MAP4K3: variants seen among roughly 807,000 people sequenced by gnomAD.
The protein encoded by MAP4K3 is mitogen-activated protein kinase kinase kinase kinase 3.
A neutral mutation model predicts 143.5 loss-of-function variants in MAP4K3; 94 were observed. The observed-to-expected ratio is 0.65, with a 90% confidence interval of 0.55 to 0.78. The LOEUF is 0.78. Ranked by LOEUF, MAP4K3 falls within the 30% of genes least tolerant of loss-of-function variation. The pLI, the probability that MAP4K3 is intolerant of heterozygous loss-of-function variation, is 0.00. For synonymous variants in MAP4K3, 416 were observed against 347.2 expected (o/e 1.20, Z -2.20); for missense variants, 1,077 against 1,068.1 (o/e 1.01, Z -0.12).
intron 2 of MAP4K3, among the ~76,000 whole-genome samples, chr2:39,360,897 A>G (rs957834011): frequency 6.6e-6 from 1 of 152,210 alleles, no homozygotes; most frequent in Non-Finnish European, 1.5e-5. Context: ...GAATGACTCA[A>G]AATGAGATTT....
At chr2:39,328,721 T>C (rs1251820875) in intron 8 of MAP4K3, among the ~76,000 whole-genome samples, 2 of 152,214 alleles carry the variant, frequency 1.3e-5, no homozygotes, top group African/African-American at 4.8e-5. Context: ...GGTAAATTTA[T>C]GCCTCAATAA....
At chr2:39,276,620 T>C (rs928431099) in intron 24 of MAP4K3, among the ~76,000 whole-genome samples, 2 of 152,246 alleles carry the variant, frequency 1.3e-5, no homozygotes, top group Non-Finnish European at 2.9e-5. Context: ...AGATTATCAA[T>C]GGTGTCTACC....
chr2:39,266,203 C>T (rs1290957185), intron 27 of MAP4K3, among the ~76,000 whole-genome samples: 3 of 152,198 alleles, frequency 2.0e-5, no homozygotes, highest in African/African-American at 4.8e-5. Flanking sequence ...CCTTGTCATC[C>T]TCTTTTGCTC....
chr2:39,330,170 G>A (rs1373416875), intron 8 of MAP4K3, among the ~76,000 whole-genome samples: 1 of 151,920 alleles, frequency 6.6e-6, no homozygotes, highest in East Asian at 1.9e-4. Context: ...AAGCACAAAT[G>A]CCAAGTACAA....
chr2:39,301,859 C>A (rs1682523175), intron 15 of MAP4K3, among the ~76,000 whole-genome samples: 1 of 151,944 alleles, frequency 6.6e-6, no homozygotes, highest in South Asian at 2.1e-4. Context: ...CCTGTCTCTA[C>A]TAAAAATACA....
chr2:39,258,348 C>G lies in MAP4K3; in HGVS notation c.2470G>C (p.Val824Leu), dbSNP rs764671046. Residue 824 changes from valine to leucine, a missense_variant and splice_region_variant, in exon 31 of 34, where the codon GTG becomes CTG. Transcript: ENST00000263881. ...LTFDFQIESI[V>L]CLQDSVLAFW... is the part of the protein sequence containing the mutation. ...AAAGAATTATAAAACTTTGACTTAC[C>G]TATTGATTCAATCTGGAAATCAAAG... 1 of 1,580,210 alleles carries G rather than the reference C, an allele frequency of 6.3e-7. No individual in the cohort carries two copies. Among genetic ancestry groups the G allele is most frequent in the South Asian group, 1.1e-5 (1 of 88,442 alleles).
At chr2:39,386,959 G>A (rs6723052) in intron 1 of MAP4K3, among the ~76,000 whole-genome samples, 7,310 of 151,752 alleles carry the variant, frequency 0.048, 293 homozygotes, top group African/African-American at 0.11. Context: ...GGGACTGCAG[G>A]TGTGCCACCA....
Position 39,400,770 on chromosome 2 carries a change from A to G in MAP4K3, c.97-22647T>C, listed in dbSNP as rs75739548. Among the ~76,000 whole-genome samples the G allele has an allele frequency of 3.8e-3, 578 of 152,242 alleles. 19 individuals are homozygous for G. The East Asian group carries it at 0.045, about 12-fold the overall frequency. On this transcript the variant is annotated intron_variant, in intron 1 of 33. Transcript: ENST00000263881. The stretch of plus-strand genomic sequence containing the variant: ...TTTCACTGTAATTTCCTCTTTAACT[A>G]ATGAGTAATACAGTAATTTTCAGCT...
At chr2:39,416,002 T>TATATATATATATATAA (rs1553318623) in intron 1 of MAP4K3, among the ~76,000 whole-genome samples, 3 of 91,144 alleles carry the variant, frequency 3.3e-5, no homozygotes, top group African/African-American at 9.4e-5. Flanking sequence ...TATATATATA[T>TATATATATATATATAA]ATAAAAATAA....
intron 6 of MAP4K3, 121 bp downstream of exon 6, chr2:39,336,799 C>G (rs1664981733): frequency 2.3e-6 from 1 of 436,104 alleles, no homozygotes; most frequent in East Asian, 4.0e-5. Context: ...AAGTATCACT[C>G]ATTTTTATTA....
At chr2:39,278,163 T>C (rs546135737) in intron 24 of MAP4K3, among the ~76,000 whole-genome samples, 1 of 151,974 alleles carries the variant, frequency 6.6e-6, no homozygotes, top group Non-Finnish European at 1.5e-5. Context: ...GTGCCTCTAC[T>C]CCCAGCTACT....
chr2:39,339,864 C>T (rs1665091570), intron 4 of MAP4K3, among the ~76,000 whole-genome samples: 1 of 152,028 alleles, frequency 6.6e-6, no homozygotes, highest in South Asian at 2.1e-4. Flanking sequence ...TCTTCAAATG[C>T]CACATAGAAT....
chr2:39,424,592 G>T (rs1470977868), intron 1 of MAP4K3, among the ~76,000 whole-genome samples: 1 of 152,020 alleles, frequency 6.6e-6, no homozygotes, highest in African/African-American at 2.4e-5. Flanking sequence ...CACTTTAGGA[G>T]GTTGAGGTGG....
chr2:39,315,916 T>C (rs890197532), intron 12 of MAP4K3, among the ~76,000 whole-genome samples: 8 of 152,184 alleles, frequency 5.3e-5, no homozygotes, highest in African/African-American at 1.7e-4. Flanking sequence ...CAGACATTTA[T>C]AGATGATGTA....
At chr2:39,265,925 G>A (rs952617659) in intron 27 of MAP4K3, among the ~76,000 whole-genome samples, 1 of 151,956 alleles carries the variant, frequency 6.6e-6, no homozygotes, top group African/African-American at 2.4e-5. Flanking sequence ...TATATGTGAA[G>A]TAAATATATT....
chr2:39,370,267 T>A (rs551255624), intron 2 of MAP4K3, among the ~76,000 whole-genome samples: 12 of 152,352 alleles, frequency 7.9e-5, no homozygotes, highest in African/African-American at 2.9e-4. Flanking sequence ...GTGACTAAGC[T>A]ATCCATGATT....
chr2:39,339,413 A>G (rs1314415051), intron 4 of MAP4K3, among the ~76,000 whole-genome samples: 1 of 152,226 alleles, frequency 6.6e-6, no homozygotes, highest in Non-Finnish European at 1.5e-5. Context: ...TAACCTTTTC[A>G]ATTACTAGCT....
chr2:39,274,433 G>A (rs1013850484), intron 24 of MAP4K3, among the ~76,000 whole-genome samples: 20 of 152,078 alleles, frequency 1.3e-4, no homozygotes, highest in African/African-American at 4.3e-4. Context: ...TGTTAGCCAG[G>A]ATGGTCTCGA....
Position 39,280,317 on chromosome 2 carries a change from A to G in MAP4K3, c.1669T>C (p.Leu557=), listed in dbSNP as rs1681461741. ...CATGATGATGCACAGTGAATTTTCA[A>G]GGGACACCCATTAAAAACTTTTGAA... ...CFSKVFNGCP[L]KIHCASSWIN... The change falls in exon 23 of 34, where the codon TTG becomes CTG. Residue 557 remains leucine (L), a synonymous_variant. Coordinates refer to ENST00000263881, the MANE Select transcript of MAP4K3 (RefSeq NM_003618.4). 6.2e-7 allele frequency: 1 copy of G among 1,604,804 alleles called. No individual in the cohort carries two copies. Among genetic ancestry groups the G allele is most frequent in the Non-Finnish European group, 8.5e-7 (1 of 1,174,374 alleles).
Sources: gnomAD v4.1 joint callset for allele counts (sites outside exome capture counted in the v4.1 genomes callset) on GRCh38, gnomAD v4.1.1 for gene constraint, MANE v1.5 for transcripts, NCBI Gene and HGNC (gene_info 2026-07-23, HGNC 2026-07-21) for gene names.